Variants in KATNIP observed in about 807,000 individuals in gnomAD.
KATNIP encodes the protein katanin-interacting protein.
KATNIP carries 126 observed loss-of-function variants against 174.0 expected under a neutral mutation model. The ratio of observed to expected loss-of-function variants is 0.72; its 90% CI spans 0.63 to 0.84. The LOEUF (loss-of-function observed/expected upper bound fraction) is 0.84, where lower values mean the gene tolerates loss of function less well. Ranked by LOEUF, KATNIP falls within the 40% of genes least tolerant of loss-of-function variation. The probability of loss-of-function intolerance (pLI) is 0.00; values close to 1 mark genes in which losing one functional copy is unlikely to be tolerated. For missense variants in KATNIP, 1,958 were observed against 2,109.7 expected (o/e 0.93, Z 1.41); for synonymous variants, 810 against 835.7 (o/e 0.97, Z 0.53).
chr16:27,643,892 TACC>T (rs551794784), intron 5 of KATNIP, among the ~76,000 whole-genome samples: 22 of 152,036 alleles, frequency 1.4e-4, no homozygotes, highest in Admixed American at 3.9e-4. Flanking sequence ...ATGCCCTAAT[TACC>T]ACCACCACCA....
chr16:27,572,362 A>AACACACACAC (rs3056269), intron 1 of KATNIP, among the ~76,000 whole-genome samples: 27,611 of 137,894 alleles, frequency 0.2, 3,224 homozygotes, highest in Admixed American at 0.27. Context: ...CAAAAAAGAA[A>AACACACACAC]ACACACACAC....
At chr16:27,703,177 AAAAG>A (rs1237993195) in intron 11 of KATNIP, among the ~76,000 whole-genome samples, 5 of 152,104 alleles carry the variant, frequency 3.3e-5, no homozygotes, top group African/African-American at 9.7e-5. Flanking sequence ...CAAAAAAAAA[AAAAG>A]AAAGAAAGAA....
chr16:27,689,463 G>A (rs933991215), intron 8 of KATNIP, among the ~76,000 whole-genome samples: 6 of 152,098 alleles, frequency 3.9e-5, no homozygotes, highest in Admixed American at 6.6e-5. Flanking sequence ...TTCTACGGAG[G>A]CAGTGTAGAG....
rs114732266 is a variant in KATNIP at position 27,565,918 on chromosome 16, T to A, written c.8-7983T>A. Among the ~76,000 whole-genome samples the A allele has an allele frequency of 9.6e-3, 1,456 of 152,260 alleles. 25 individuals carry two copies. The highest frequency in any genetic ancestry group is 0.033 in the African/African-American group (1,392 of 41,560). The stretch of plus-strand genomic sequence containing the variant: ...GCCTGTACAGAGCCTTAAAATTTTT[T>A]AAATTATTAATCATTTAAAAATTAG... On this transcript the variant is annotated intron_variant, in intron 1 of 27. Coordinates refer to ENST00000261588, the MANE Select transcript of KATNIP (RefSeq NM_015202.5).
chr16:27,654,926 T>TA (rs1467463993), intron 6 of KATNIP, among the ~76,000 whole-genome samples: 10 of 151,560 alleles, frequency 6.6e-5, no homozygotes, highest in Admixed American at 5.3e-4. Flanking sequence ...GCTCAGGAGT[T>TA]AGAGACCAGC....
intron 14 of KATNIP, among the ~76,000 whole-genome samples, chr16:27,724,760 A>T (rs905194132): frequency 2.0e-5 from 3 of 152,238 alleles, no homozygotes; most frequent in Admixed American, 2.0e-4. Context: ...TGTGTGTTTT[A>T]GAGGAGATAA....
chr16:27,661,017 G>C (rs1208538686), intron 6 of KATNIP, among the ~76,000 whole-genome samples: 1 of 152,160 alleles, frequency 6.6e-6, no homozygotes, highest in African/African-American at 2.4e-5. Flanking sequence ...TATAGCTGTT[G>C]ATTAGGCACC....
chr16:27,773,682 CGAGG>C (rs2082390265), intron 23 of KATNIP, among the ~76,000 whole-genome samples: 1 of 152,160 alleles, frequency 6.6e-6, no homozygotes, highest in East Asian at 1.9e-4. Context: ...TTAGAAATCA[CGAGG>C]TTTCACATGA....
intron 14 of KATNIP, chr16:27,727,763 A>G (rs2143154610): frequency 6.6e-6 from 1 of 152,398 alleles, no homozygotes; most frequent in South Asian, 2.1e-4. Context: ...ACCTGCTTCA[A>G]TAATTACAAA....
intron 6 of KATNIP, among the ~76,000 whole-genome samples, chr16:27,672,999 A>G (rs1461197423): frequency 6.6e-6 from 1 of 152,176 alleles, no homozygotes; most frequent in Non-Finnish European, 1.5e-5. Flanking sequence ...TCTCCCAGCT[A>G]GGAACGTAAT....
At chr16:27,602,299 C>T (rs914692948) in intron 2 of KATNIP, among the ~76,000 whole-genome samples, 1 of 152,164 alleles carries the variant, frequency 6.6e-6, no homozygotes, top group Non-Finnish European at 1.5e-5. Flanking sequence ...CTGCCCCAAG[C>T]CCTCCAGTAG....
intron 1 of KATNIP, among the ~76,000 whole-genome samples, chr16:27,568,958 C>A (rs993659298): frequency 6.6e-6 from 1 of 152,124 alleles, no homozygotes; most frequent in South Asian, 2.1e-4. Flanking sequence ...CCCACCACTC[C>A]CCTCCCACCT....
intron 6 of KATNIP, among the ~76,000 whole-genome samples, chr16:27,665,717 C>T (rs905204463): frequency 2.0e-5 from 3 of 151,732 alleles, no homozygotes; most frequent in Non-Finnish European, 4.4e-5. Flanking sequence ...TCTTCTGTCT[C>T]GGCCTCCCAA....
intron 8 of KATNIP, among the ~76,000 whole-genome samples, chr16:27,682,470 G>A (rs2078381632): frequency 6.6e-6 from 1 of 152,178 alleles, no homozygotes; most frequent in Non-Finnish European, 1.5e-5. Flanking sequence ...TGGCCTATAG[G>A]GAGCTGGGGA....
In KATNIP at chr16:27,777,107, C is replaced by A; in HGVS notation, c.4551+78C>A. On this transcript the variant is annotated intron_variant, in intron 25 of 27. Coordinates refer to ENST00000261588, the MANE Select transcript of KATNIP (RefSeq NM_015202.5). This position sits in a 1 kb window ranked among gnomAD's most constrained non-coding sequence, Gnocchi z 4.4. ...GGCCGCCGGCAATTATCATTTGTCG[C>A]AGTTTGATTTACTTCTCTCTGTTGC... 1 of 969,128 alleles carries A rather than the reference C, an allele frequency of 1.0e-6. No individual in the cohort carries two copies. Among genetic ancestry groups the A allele is most frequent in the Non-Finnish European group, 1.7e-6 (1 of 601,856 alleles). The allele number at this position is 969,128 out of a possible 1,614,324, so 60.0% of individuals were successfully genotyped here.
intron 19 of KATNIP, among the ~76,000 whole-genome samples, chr16:27,765,431 A>G (rs1597405759): frequency 1.3e-5 from 2 of 152,352 alleles, no homozygotes; most frequent in South Asian, 4.1e-4. Context: ...TGGGAAGAGC[A>G]TGAGGGGCTC....
intron 13 of KATNIP, 65 bp downstream of exon 13, chr16:27,708,985 G>T: frequency 7.5e-7 from 1 of 1,325,206 alleles, no homozygotes; most frequent in Non-Finnish European, 1.1e-6. Context: ...TCTGCCCTTG[G>T]TAAATCTGTG....
intron 6 of KATNIP, among the ~76,000 whole-genome samples, chr16:27,676,661 A>T (rs1354955386): frequency 6.6e-6 from 1 of 152,062 alleles, no homozygotes; most frequent in Admixed American, 6.6e-5. Flanking sequence ...GTTTGCCCAA[A>T]CAGTCCCATC....
At chr16:27,612,887 A>C (rs2075936693) in intron 2 of KATNIP, among the ~76,000 whole-genome samples, 1 of 152,120 alleles carries the variant, frequency 6.6e-6, no homozygotes, top group Non-Finnish European at 1.5e-5. Context: ...AAGTGGGAGG[A>C]TCAGTTGAGG....
Sources: allele counts gnomAD v4.1 joint callset (sites outside exome capture counted in the v4.1 genomes callset), GRCh38; gene constraint gnomAD v4.1.1; non-coding constraint Gnocchi (gnomAD v3.1); transcripts MANE v1.5; gene names NCBI Gene and HGNC (gene_info 2026-07-23, HGNC 2026-07-21).